Variants in HDAC9 observed in about 807,000 individuals in gnomAD.
HDAC9 encodes the protein MEF-2 interacting transcription repressor (MITR) protein.
Under a neutral mutation model 139.4 loss-of-function variants are expected in HDAC9, and 41 were observed. The ratio of observed to expected loss-of-function variants is 0.29; its 90% CI spans 0.23 to 0.38. HDAC9 has a LOEUF of 0.38. HDAC9 is among the 10% of genes least tolerant of loss of function. The pLI, the probability that HDAC9 is intolerant of heterozygous loss-of-function variation, is 1.00. For synonymous variants in HDAC9, 517 were observed against 476.2 expected, an observed-to-expected ratio of 1.09 and a Z score of -1.12; for missense variants, 1,147 against 1,297.0, an observed-to-expected ratio of 0.88 and a Z score of 1.78.
At chr7:18,287,636 T>A (rs990949705), upstream of HDAC9, among the ~76,000 whole-genome samples, 4 of 152,254 alleles carry the variant, frequency 2.6e-5, no homozygotes, top group Non-Finnish European at 5.9e-5. Context: ...ACAGTTGGCC[T>A]TAGCCAGCCA....
intron 2 of HDAC9, among the ~76,000 whole-genome samples, chr7:18,564,966 T>C (rs200254265): frequency 4.6e-4 from 31 of 67,294 alleles, no homozygotes; most frequent in South Asian, 1.6e-3. Flanking sequence ...GTATTTTATT[T>C]ATTTATTTAT....
chr7:18,434,994 T>C (rs1791040510), intron 1 of HDAC9, among the ~76,000 whole-genome samples: 2 of 145,794 alleles, frequency 1.4e-5, no homozygotes. Flanking sequence ...TCAACCTATA[T>C]GTCCATTGAC....
rs147193646 is a variant in HDAC9, at chr7:18,951,311, A to G, written c.2938-2835A>G. Among the ~76,000 whole-genome samples, 674 of 152,076 alleles carry G rather than the reference A, an allele frequency of 4.4e-3. 1 individual carries two copies. The highest frequency in any genetic ancestry group is 8.5e-3 in the South Asian group (41 of 4,822). On this transcript the variant is annotated intron_variant, in intron 23 of 25. Transcript: ENST00000686413. ...ACATTATCACAACTTTCTGAAAATG[A>G]TGTAGAAAAATAAATTTCCCTGTCA... is the stretch of plus-strand genomic sequence containing the variant.
chr7:18,913,376 A>T (rs111279144), intron 22 of HDAC9, among the ~76,000 whole-genome samples: 1 of 152,098 alleles, frequency 6.6e-6, no homozygotes, highest in African/African-American at 2.4e-5. Flanking sequence ...ATGTTTGGCA[A>T]TCTATCTGAT....
intron 2 of HDAC9, among the ~76,000 whole-genome samples, chr7:18,194,305 T>C (rs998113879): frequency 6.6e-6 from 1 of 152,228 alleles, no homozygotes; most frequent in Non-Finnish European, 1.5e-5. Flanking sequence ...TTGTGTCCTT[T>C]GGTTATTTTT....
At chr7:18,147,513 A>G (rs1786427564) in intron 1 of HDAC9, among the ~76,000 whole-genome samples, 1 of 152,072 alleles carries the variant, frequency 6.6e-6, no homozygotes. Flanking sequence ...ACATCATTGG[A>G]GCATATGTTG....
intron 1 of HDAC9, among the ~76,000 whole-genome samples, chr7:18,490,048 A>T (rs1179533032): frequency 2.0e-5 from 3 of 152,070 alleles, no homozygotes; most frequent in Non-Finnish European, 4.4e-5. Flanking sequence ...ACCTAGCCTT[A>T]CCTAGTCTAA....
At chr7:18,578,643 A>T (rs1467762145) in intron 2 of HDAC9, among the ~76,000 whole-genome samples, 1 of 152,212 alleles carries the variant, frequency 6.6e-6, no homozygotes, top group Non-Finnish European at 1.5e-5. Flanking sequence ...ACCAATAGTA[A>T]AGAAGTGGCG....
chr7:18,351,519 T>C (rs1053787463), intron 1 of HDAC9, among the ~76,000 whole-genome samples: 11 of 152,172 alleles, frequency 7.2e-5, no homozygotes, highest in African/African-American at 2.7e-4. Flanking sequence ...TTAATGCTTT[T>C]TATAATGGGA....
intron 16 of HDAC9, among the ~76,000 whole-genome samples, chr7:18,767,804 G>C (rs904946559): frequency 6.6e-6 from 1 of 152,058 alleles, no homozygotes; most frequent in Non-Finnish European, 1.5e-5. Flanking sequence ...ACCCTTACCA[G>C]TAACAAACCA....
intron 14 of HDAC9, among the ~76,000 whole-genome samples, chr7:18,756,438 C>A (rs1788882444): frequency 6.6e-6 from 1 of 152,182 alleles, no homozygotes; most frequent in Non-Finnish European, 1.5e-5. Context: ...TTATAAGAAA[C>A]AAGCATCATG....
At chr7:18,461,537 A>G in intron 1 of HDAC9, among the ~76,000 whole-genome samples, 1 of 152,160 alleles carries the variant, frequency 6.6e-6, no homozygotes, top group Middle Eastern at 3.2e-3. Context: ...TAGCAGCTGT[A>G]TTATGCTCTC....
chr7:18,866,886 A>G (rs1798543483), intron 21 of HDAC9, among the ~76,000 whole-genome samples: 1 of 152,218 alleles, frequency 6.6e-6, no homozygotes, highest in South Asian at 2.1e-4. Flanking sequence ...ACTTGACTCA[A>G]TGTCAGTGCA....
chr7:18,542,927 G>A (rs7785029), intron 2 of HDAC9, among the ~76,000 whole-genome samples: 7 of 151,984 alleles, frequency 4.6e-5, no homozygotes, highest in Admixed American at 3.3e-4. Context: ...TCTCAATAAC[G>A]GGAATGAAGA....
intron 2 of HDAC9, among the ~76,000 whole-genome samples, chr7:18,503,117 T>C (rs1798828189): frequency 6.6e-6 from 1 of 152,186 alleles, no homozygotes; most frequent in African/African-American, 2.4e-5. Flanking sequence ...TAAAAGCTCA[T>C]GCAAATGACT....
rs1781670979 is a variant in HDAC9 at position 18,629,489 on chromosome 7, A to T, written c.796+8A>T. The T allele has an allele frequency of 6.2e-7, 1 of 1,610,742 alleles. No homozygotes were observed. On this transcript the variant is annotated splice_region_variant and intron_variant, in intron 7 of 25. Coordinates refer to ENST00000686413, the MANE Select transcript of HDAC9 (RefSeq NM_178425.4). ...GAATGTTTGAGGTGACAGGTAATTG[A>T]GGACTGGGCAGACCTATGAATGCTG...
intron 14 of HDAC9, among the ~76,000 whole-genome samples, chr7:18,759,564 A>G (rs1158556304): frequency 6.6e-6 from 1 of 152,086 alleles, no homozygotes; most frequent in Admixed American, 6.6e-5. Flanking sequence ...TGAGTTGTAT[A>G]ATTATTTCAT....
chr7:18,097,305 A>T (rs1035777473), intron 1 of HDAC9, among the ~76,000 whole-genome samples: 1 of 152,194 alleles, frequency 6.6e-6, no homozygotes. Flanking sequence ...AAATAGGGCA[A>T]TATAGTCCAC....
intron 12 of HDAC9, among the ~76,000 whole-genome samples, chr7:18,678,990 T>G (rs1781707459): frequency 6.6e-6 from 1 of 151,934 alleles, no homozygotes; most frequent in Admixed American, 6.6e-5. Context: ...CAGGGGTGGA[T>G]GACACCAGGG....
Sources: allele counts gnomAD v4.1 joint callset (sites outside exome capture counted in the v4.1 genomes callset), GRCh38; gene constraint gnomAD v4.1.1; transcripts MANE v1.5; gene names NCBI Gene and HGNC (gene_info 2026-07-23, HGNC 2026-07-21).